The following CDC25C variants were observed in gnomAD, a reference collection of about 807,000 sequenced individuals.
CDC25C encodes the protein cell division cycle 25C, also known as M-phase inducer phosphatase 3.
CDC25C carries 48 observed loss-of-function variants against 52.5 expected under a neutral mutation model. The ratio of observed to expected loss-of-function variants is 0.91; its 90% CI spans 0.72 to 1.16. CDC25C has a LOEUF of 1.16. Ranked by LOEUF, CDC25C falls within the 50% of genes most tolerant of loss-of-function variation. The pLI is 0.00. For missense variants in CDC25C, 510 were observed against 566.1 expected (o/e 0.90, Z 1.01); for synonymous variants, 187 against 206.5 (o/e 0.91, Z 0.81).
intron 7 of CDC25C, among the ~76,000 whole-genome samples, chr5:138,303,032 G>T (rs939710377): frequency 1.3e-5 from 2 of 152,034 alleles, no homozygotes; most frequent in African/African-American, 2.4e-5. Context: ...ATTGTGCCAC[G>T]CACTCCAGCC....
chr5:138,287,291 A>G (rs1201570742), intron 10 of CDC25C, 24 bp from the exon 11 acceptor site: 4 of 1,545,994 alleles, frequency 2.6e-6, no homozygotes, highest in Admixed American at 1.7e-5. Flanking sequence ...ATGACTGAAT[A>G]TTCTGCTCAC....
intron 10 of CDC25C, among the ~76,000 whole-genome samples, chr5:138,288,925 G>GT (rs1756483269): frequency 6.6e-6 from 1 of 152,030 alleles, no homozygotes; most frequent in South Asian, 2.1e-4. Flanking sequence ...ACCATTTCTT[G>GT]TGTGTGATTT....
At chr5:138,297,687 A>G (rs1757317039) in intron 7 of CDC25C, among the ~76,000 whole-genome samples, 1 of 152,242 alleles carries the variant, frequency 6.6e-6, no homozygotes, top group South Asian at 2.1e-4. Context: ...CGTTTTGAGT[A>G]CCTACTAGGT....
chr5:138,288,437 C>T (rs956350210), intron 10 of CDC25C, among the ~76,000 whole-genome samples: 1 of 152,046 alleles, frequency 6.6e-6, no homozygotes, highest in African/African-American at 2.4e-5. Flanking sequence ...TGGCTCACAC[C>T]TGTAATCCCA....
intron 7 of CDC25C, among the ~76,000 whole-genome samples, chr5:138,305,470 T>C (rs1757938237): frequency 6.6e-6 from 1 of 152,188 alleles, no homozygotes; most frequent in Non-Finnish European, 1.5e-5. Context: ...GGCATGATCA[T>C]GGCTCACTGT....
chr5:138,299,195 A>G (rs1322595617), intron 7 of CDC25C, among the ~76,000 whole-genome samples: 9 of 104,816 alleles, frequency 8.6e-5, no homozygotes, highest in African/African-American at 2.8e-4. Context: ...TCTGTCTGGA[A>G]AAAAAAAAAA....
chr5:138,328,017 C>T (rs1478166184), intron 4 of CDC25C, among the ~76,000 whole-genome samples: 1 of 152,202 alleles, frequency 6.6e-6, no homozygotes, highest in East Asian at 1.9e-4. Context: ...CAGGCATGTG[C>T]CACCACATCC....
chr5:138,297,261 G>A (rs953066240), intron 7 of CDC25C, among the ~76,000 whole-genome samples: 15 of 151,964 alleles, frequency 9.9e-5, no homozygotes, highest in Non-Finnish European at 1.5e-5. Context: ...GGGTTCAACT[G>A]TGTTGGCCAC....
intron 10 of CDC25C, 63 bp downstream of exon 10, chr5:138,289,438 A>G: frequency 8.5e-7 from 1 of 1,176,204 alleles, no homozygotes; most frequent in Non-Finnish European, 1.3e-6. Flanking sequence ...TGGGCATTTT[A>G]GGGACAGAAG....
chr5:138,328,427 C>A (rs907424285), intron 4 of CDC25C, 57 bp downstream of exon 4: 49 of 1,503,228 alleles, frequency 3.3e-5, no homozygotes, highest in Non-Finnish European at 4.0e-5. Context: ...AGGATAAAAT[C>A]TCTATGACCA....
chr5:138,319,519 G>A, intron 6 of CDC25C, 145 bp from the exon 7 acceptor site: 1 of 555,056 alleles, frequency 1.8e-6, no homozygotes, highest in Non-Finnish European at 2.9e-6. Context: ...CAAAAGCACA[G>A]GTAACGAAAG....
At chr5:138,321,193 G>A (rs1021393421) in intron 6 of CDC25C, among the ~76,000 whole-genome samples, 13 of 151,984 alleles carry the variant, frequency 8.6e-5, no homozygotes, top group African/African-American at 2.4e-4. Flanking sequence ...TCATTGGCTG[G>A]GCAGAAACAG....
intron 7 of CDC25C, among the ~76,000 whole-genome samples, chr5:138,316,752 G>A (rs1447779984): frequency 6.6e-6 from 1 of 152,082 alleles, no homozygotes; most frequent in Non-Finnish European, 1.5e-5. Flanking sequence ...AAATCAACAG[G>A]GAGGACCTGC....
In CDC25C at chr5:138,285,760, T is replaced by C. The variant is rs770138532; in HGVS notation, c.1354A>G (p.Lys452Glu). The C allele has an allele frequency of 6.5e-5, 105 of 1,614,254 alleles. No individual in the cohort carries two copies. The Middle Eastern group carries it at 8.2e-4, about 13-fold the overall frequency. ...AGCTGCCGCTCCCCTTCCTGCACTT[T>C]GCTCTGGCTTCGACACCTCAGCAAC... is the stretch of plus-strand genomic sequence containing the variant. ...TELLRCRSQS[K>E]VQEGERQLRE... is the part of the protein sequence containing the mutation. Residue 452 changes from lysine to glutamate, a missense_variant, in exon 14 of 14, where the codon AAA (lysine) becomes GAA (glutamate). By Grantham distance (56) the Lys-to-Glu change is moderately conservative. Coordinates refer to ENST00000323760, the MANE Select transcript of CDC25C (RefSeq NM_001790.5).
intron 7 of CDC25C, among the ~76,000 whole-genome samples, chr5:138,306,466 T>TTTATTA (rs750734942): frequency 2.0e-5 from 3 of 151,272 alleles, no homozygotes; most frequent in African/African-American, 4.9e-5. Context: ...TTTATTTCCG[T>TTTATTA]TTATTATTAT....
chr5:138,332,364 G>A (rs889895972), upstream of CDC25C, among the ~76,000 whole-genome samples: 2 of 151,902 alleles, frequency 1.3e-5, no homozygotes, highest in Non-Finnish European at 2.9e-5. Flanking sequence ...GTGTGTTTAT[G>A]CTGAGAGGCA....
intron 7 of CDC25C, among the ~76,000 whole-genome samples, chr5:138,299,181 A>T (rs1371687322): frequency 8.5e-6 from 1 of 117,388 alleles, no homozygotes; most frequent in East Asian, 2.7e-4. Context: ...TTACAGAGGG[A>T]GACTCTGTCT....
chr5:138,291,460 C>T (rs566884385), intron 8 of CDC25C, among the ~76,000 whole-genome samples: 1 of 150,922 alleles, frequency 6.6e-6, no homozygotes, highest in South Asian at 2.1e-4. Context: ...GCTCTGTTGC[C>T]CAGGCTGGAG....
intron 10 of CDC25C, among the ~76,000 whole-genome samples, chr5:138,288,966 T>C (rs1475728653): frequency 1.3e-5 from 2 of 152,158 alleles, no homozygotes; most frequent in Non-Finnish European, 2.9e-5. Context: ...CCTTTTTTCT[T>C]AAGTAATTAT....
Sources: allele counts gnomAD v4.1 joint callset (sites outside exome capture counted in the v4.1 genomes callset), GRCh38; gene constraint gnomAD v4.1.1; transcripts MANE v1.5; gene names NCBI Gene and HGNC (gene_info 2026-07-23, HGNC 2026-07-21).